MUSK: variants seen among roughly 807,000 people sequenced by gnomAD.
MUSK encodes the protein muscle associated receptor tyrosine kinase, also known as muscle, skeletal receptor tyrosine-protein kinase.
MUSK carries 55 observed loss-of-function variants against 88.7 expected under a neutral mutation model. The ratio of observed to expected loss-of-function variants is 0.62; its 90% CI spans 0.50 to 0.78. MUSK has a LOEUF of 0.78. MUSK is among the 30% of genes least tolerant of loss of function. The probability of loss-of-function intolerance (pLI) is 0.00; values close to 1 mark genes in which losing one functional copy is unlikely to be tolerated. For synonymous variants in MUSK, 387 were observed against 391.9 expected (o/e 0.99, Z 0.15); for missense variants, 1,015 against 1,074.3 (o/e 0.94, Z 0.77).
chr9:110,707,961 A>G (rs996076673), intron 5 of MUSK, among the ~76,000 whole-genome samples: 1 of 152,186 alleles, frequency 6.6e-6, no homozygotes, highest in African/African-American at 2.4e-5. Context: ...TTTCTTTGCA[A>G]TCTGAAAGGC....
At chr9:110,748,255 A>C (rs1300042274) in intron 7 of MUSK, among the ~76,000 whole-genome samples, 8 of 127,418 alleles carry the variant, frequency 6.3e-5, no homozygotes, top group East Asian at 2.2e-4. Context: ...CCTTTTCCCC[A>C]CTCCTCGTTC....
chr9:110,735,151 G>C (rs181092903), intron 6 of MUSK, among the ~76,000 whole-genome samples: 1 of 151,954 alleles, frequency 6.6e-6, no homozygotes, highest in East Asian at 1.9e-4. Flanking sequence ...ACAGTATGGC[G>C]GTTACTCAAA....
intron 14 of MUSK, among the ~76,000 whole-genome samples, chr9:110,788,386 C>G (rs551760486): frequency 6.6e-6 from 1 of 151,760 alleles, no homozygotes; most frequent in Non-Finnish European, 1.5e-5. Context: ...AATCTCAGCA[C>G]TTTAGGAGGC....
At chr9:110,679,617 T>G (rs971302916) in intron 1 of MUSK, among the ~76,000 whole-genome samples, 1 of 152,012 alleles carries the variant, frequency 6.6e-6, no homozygotes, top group Admixed American at 6.6e-5. Context: ...CTTGGCTTAT[T>G]TATTCCTCCT....
chr9:110,778,528 TGAC>T (rs2077704094), intron 11 of MUSK, among the ~76,000 whole-genome samples: 1 of 152,122 alleles, frequency 6.6e-6, no homozygotes, highest in African/African-American at 2.4e-5. Flanking sequence ...AAATCCAAAC[TGAC>T]TAGTGTGATA....
chr9:110,785,877 ACACTGTGTGTG>A (rs2077849544), intron 13 of MUSK, among the ~76,000 whole-genome samples, 159 bp downstream of exon 13: 1 of 148,160 alleles, frequency 6.7e-6, no homozygotes, highest in African/African-American at 2.5e-5. Context: ...ATATATATGT[ACACTGTGTGTG>A]TATATATATA....
chr9:110,711,135 G>A (rs1264947397), intron 5 of MUSK, among the ~76,000 whole-genome samples: 1 of 152,138 alleles, frequency 6.6e-6, no homozygotes, highest in Non-Finnish European at 1.5e-5. Context: ...GATAGCATTA[G>A]GAGATATACC....
At chr9:110,735,981 C>T (rs1214765984) in intron 6 of MUSK, among the ~76,000 whole-genome samples, 1 of 152,144 alleles carries the variant, frequency 6.6e-6, no homozygotes, top group Non-Finnish European at 1.5e-5. Context: ...CCAGGCCCAA[C>T]TCCAACACTG....
chr9:110,786,761 C>G (rs887414842), intron 13 of MUSK, among the ~76,000 whole-genome samples: 1 of 152,066 alleles, frequency 6.6e-6, no homozygotes, highest in African/African-American at 2.4e-5. Context: ...CACCTTTGTG[C>G]GAATTGGAAT....
chr9:110,789,122 A>G (rs2077927907), intron 14 of MUSK, among the ~76,000 whole-genome samples: 1 of 152,252 alleles, frequency 6.6e-6, no homozygotes, highest in Non-Finnish European at 1.5e-5. Context: ...ACATGACATG[A>G]CACAACTCAC....
chr9:110,774,907 CCT>C (rs1410188651), intron 9 of MUSK, among the ~76,000 whole-genome samples: 1 of 151,390 alleles, frequency 6.6e-6, no homozygotes, highest in Non-Finnish European at 1.5e-5. Context: ...ACAATTTCCT[CCT>C]CTCTGAATCC....
In MUSK at chr9:110,741,397, A is replaced by G. The variant is rs532520165; in HGVS notation, c.754-6244A>G. ...TTGTCTCTCTAAAGCAGGGTGCCCT[A>G]GGAAGACTGATTGGCTGTAGCCCCA... On this transcript the variant is annotated intron_variant, in intron 6 of 14. Transcript: ENST00000374448. Among the ~76,000 whole-genome samples the G allele has an allele frequency of 2.0e-5, 3 of 152,244 alleles. No homozygotes were observed. The East Asian group carries it at 5.8e-4, about 29-fold the overall frequency.
intron 7 of MUSK, among the ~76,000 whole-genome samples, chr9:110,757,655 A>T (rs2131911461): frequency 6.6e-6 from 1 of 151,986 alleles, no homozygotes; most frequent in South Asian, 2.1e-4. Context: ...TTGTCAAAAA[A>T]AAAAAGTCTT....
At chr9:110,731,151 C>A (rs951619016) in intron 5 of MUSK, among the ~76,000 whole-genome samples, 1 of 151,940 alleles carries the variant, frequency 6.6e-6, no homozygotes, top group South Asian at 2.1e-4. Context: ...ATATATATAC[C>A]ATGCAGGGTT....
chr9:110,710,049 A>G (rs1436933017), intron 5 of MUSK, among the ~76,000 whole-genome samples: 2 of 152,226 alleles, frequency 1.3e-5, no homozygotes, highest in Admixed American at 1.3e-4. Flanking sequence ...TTTATTTTAT[A>G]GATAAAGACA....
chr9:110,721,413 T>C (rs1287928634), intron 5 of MUSK, among the ~76,000 whole-genome samples: 1 of 152,146 alleles, frequency 6.6e-6, no homozygotes, highest in Non-Finnish European at 1.5e-5. Flanking sequence ...AAAATTAATG[T>C]ACACAAATCA....
chr9:110,797,651 C>T (rs2078031592), intron 14 of MUSK, among the ~76,000 whole-genome samples: 1 of 152,146 alleles, frequency 6.6e-6, no homozygotes, highest in African/African-American at 2.4e-5. Flanking sequence ...ATATTAAGTA[C>T]ATAACAATTC....
At chr9:110,733,185 C>T (rs565087540) in intron 5 of MUSK, among the ~76,000 whole-genome samples, 2 of 152,084 alleles carry the variant, frequency 1.3e-5, no homozygotes, top group Non-Finnish European at 2.9e-5. Context: ...AATATACTTA[C>T]AGTATAATAG....
intron 14 of MUSK, among the ~76,000 whole-genome samples, chr9:110,797,417 G>T (rs111820802): frequency 2.0e-5 from 3 of 151,824 alleles, no homozygotes; most frequent in African/African-American, 7.3e-5. Flanking sequence ...GATTATGGGA[G>T]GTATACAAAT....
Sources: gnomAD v4.1 joint callset for allele counts (sites outside exome capture counted in the v4.1 genomes callset) on GRCh38, gnomAD v4.1.1 for gene constraint, MANE v1.5 for transcripts, NCBI Gene and HGNC (gene_info 2026-07-23, HGNC 2026-07-21) for gene names.